Variants in PTP4A1 observed in about 807,000 individuals in gnomAD.
The protein encoded by PTP4A1 is protein tyrosine phosphatase 4A1, also known as protein tyrosine phosphatase type IVA 1.
PTP4A1 carries 9 observed loss-of-function variants against 20.5 expected under a neutral mutation model. The observed-to-expected ratio is 0.44, with a 90% confidence interval of 0.26 to 0.77. PTP4A1 has a LOEUF of 0.77. PTP4A1 is among the 30% of genes least tolerant of loss of function. The pLI is 0.19. For missense variants in PTP4A1, 137 were observed against 218.8 expected (o/e 0.63, Z 2.36); for synonymous variants, 78 against 67.4 (o/e 1.16, Z -0.77).
chr6:63,531,295 A>C (rs1291406096), intron 2 of PTP4A1, among the ~76,000 whole-genome samples: 1 of 152,172 alleles, frequency 6.6e-6, no homozygotes, highest in African/African-American at 2.4e-5. Context: ...AGATGGAATG[A>C]AGGGCAAATA....
chr6:63,534,543 A>G (rs1014067262), intron 2 of PTP4A1, among the ~76,000 whole-genome samples: 1 of 152,068 alleles, frequency 6.6e-6, no homozygotes. Flanking sequence ...TGCTGGGTGC[A>G]GTGGCTCAAG....
intron 2 of PTP4A1, among the ~76,000 whole-genome samples, chr6:63,543,080 T>A (rs1776048556): frequency 6.6e-6 from 1 of 152,234 alleles, no homozygotes; most frequent in Non-Finnish European, 1.5e-5. Context: ...CCACTGCACC[T>A]TCTCCTGGCT....
intron 2 of PTP4A1, chr6:63,549,415 A>C (rs1289938373): frequency 1.3e-6 from 1 of 751,598 alleles, no homozygotes; most frequent in East Asian, 2.5e-5. Flanking sequence ...CCGTTTCTCA[A>C]ACAGGGGATT....
chr6:63,520,039 C>T (rs890142987), upstream of PTP4A1, among the ~76,000 whole-genome samples: 1 of 152,178 alleles, frequency 6.6e-6, no homozygotes, highest in Non-Finnish European at 1.5e-5. Flanking sequence ...AGCCTCAATG[C>T]CTGAATCCAA....
chr6:63,521,730 A>T (rs1008445585), upstream of PTP4A1: 1 of 152,188 alleles, frequency 6.6e-6, no homozygotes, highest in Non-Finnish European at 1.5e-5. Context: ...AAGCTCCTGC[A>T]CTTTCTGACC....
chr6:63,559,213 TC>T (rs1776825430), intron 3 of PTP4A1, among the ~76,000 whole-genome samples: 1 of 152,182 alleles, frequency 6.6e-6, no homozygotes, highest in Admixed American at 6.5e-5. Context: ...TTATAAATAC[TC>T]CCTTGTAACA....
chr6:63,517,838 T>A (rs1157701347), upstream of PTP4A1, among the ~76,000 whole-genome samples: 1 of 152,096 alleles, frequency 6.6e-6, no homozygotes, highest in Non-Finnish European at 1.5e-5. Context: ...CAATAGTTTT[T>A]AAAAGAATCC....
intron 3 of PTP4A1, among the ~76,000 whole-genome samples, chr6:63,564,283 A>C (rs901067309): frequency 6.6e-6 from 1 of 152,096 alleles, no homozygotes; most frequent in Admixed American, 6.6e-5. Flanking sequence ...CTCAAAAAAA[A>C]AAAAAAAGAG....
chr6:63,582,072 T>C lies in PTP4A1; in HGVS notation c.*1898T>C, dbSNP rs920861477. On this transcript the variant is annotated 3_prime_UTR_variant, in exon 6 of 6. Transcript: ENST00000626021. ...CCAGTTTAACACTTAATATATTTCA[T>C]TGGATTTTAGACAGGGCAAAAGGAA... The C allele has an allele frequency of 5.9e-5, 9 of 152,158 alleles. No individual in the cohort carries two copies. The highest frequency in any genetic ancestry group is 2.1e-4 in the South Asian group (1 of 4,838). The allele number at this position is 152,158 out of a possible 1,614,324, so 9.4% of individuals were successfully genotyped here. A position where few individuals can be genotyped will look rare whatever the true frequency, so the allele number is the denominator to read the frequency against.
At chr6:63,553,247 C>G (rs186765023) in intron 3 of PTP4A1, among the ~76,000 whole-genome samples, 1 of 152,302 alleles carries the variant, frequency 6.6e-6, no homozygotes, top group African/African-American at 2.4e-5. Flanking sequence ...GATGTCAAAG[C>G]TCTGCTTTTA....
chr6:63,525,967 TC>T (rs1342304149), intron 1 of PTP4A1, among the ~76,000 whole-genome samples: 1 of 152,170 alleles, frequency 6.6e-6, no homozygotes, highest in Non-Finnish European at 1.5e-5. Context: ...GTTTAAACCT[TC>T]TTTCGGTACC....
intron 2 of PTP4A1, among the ~76,000 whole-genome samples, chr6:63,539,810 A>C (rs1304090799): frequency 6.6e-6 from 1 of 152,164 alleles, no homozygotes; most frequent in Admixed American, 6.5e-5. Context: ...GGCAATCTTC[A>C]GAAAAAAACT....
intron 2 of PTP4A1, among the ~76,000 whole-genome samples, chr6:63,578,234 A>G (rs911082376): frequency 6.6e-6 from 1 of 152,222 alleles, no homozygotes; most frequent in African/African-American, 2.4e-5. Context: ...ATGGTATTTA[A>G]TATTCACTTT....
intron 1 of PTP4A1, among the ~76,000 whole-genome samples, chr6:63,524,538 T>C (rs1055774160): frequency 2.0e-5 from 3 of 152,164 alleles, no homozygotes; most frequent in Non-Finnish European, 4.4e-5. Context: ...CCTATATGAA[T>C]TTATTGTTCA....
chr6:63,518,900 G>A (rs1271739217), upstream of PTP4A1, among the ~76,000 whole-genome samples: 1 of 151,700 alleles, frequency 6.6e-6, no homozygotes, highest in Non-Finnish European at 1.5e-5. Context: ...TCAGATTTTA[G>A]AAAAAAAAGC....
At chr6:63,566,365 A>G (rs1561911068) in intron 3 of PTP4A1, among the ~76,000 whole-genome samples, 1 of 152,216 alleles carries the variant, frequency 6.6e-6, no homozygotes, top group Non-Finnish European at 1.5e-5. Context: ...TGGAGTTTAC[A>G]TGAAAATTTA....
Position 63,579,263 on chromosome 6 carries a change from A to C in PTP4A1, c.336A>C (p.Pro112=). ...AAAATTCTTACCTCACCAGAGCTCC[A>C]GTACTTGTTGCCCTAGCATTAATTG... The part of the protein sequence containing the change: ...VHCVAGLGRA[P]VLVALALIEG... The change falls in exon 5 of 6, where the codon CCA becomes CCC. Residue 112 remains proline, a synonymous_variant. Transcript: ENST00000626021. The C allele has an allele frequency of 6.2e-7, 1 of 1,610,004 alleles. No homozygotes were observed. The highest frequency in any genetic ancestry group is 8.5e-7 in the Non-Finnish European group (1 of 1,177,938).
intron 1 of PTP4A1, among the ~76,000 whole-genome samples, chr6:63,574,571 A>G (rs1008709459): frequency 7.9e-5 from 12 of 152,178 alleles, no homozygotes; most frequent in African/African-American, 2.9e-4. Flanking sequence ...TTCCTGATGA[A>G]AGTGCTTACT....
chr6:63,542,022 GGTGT>G (rs72091849), intron 2 of PTP4A1, among the ~76,000 whole-genome samples: 4,442 of 146,624 alleles, frequency 0.03, 76 homozygotes, highest in East Asian at 0.039. Flanking sequence ...AAGAAACTGT[GGTGT>G]GTGTGTGTGT....
Sources: allele counts gnomAD v4.1 joint callset (sites outside exome capture counted in the v4.1 genomes callset), GRCh38; gene constraint gnomAD v4.1.1; transcripts MANE v1.5; gene names NCBI Gene and HGNC (gene_info 2026-07-23, HGNC 2026-07-21).